The following DCLRE1C variants were observed in gnomAD, a reference collection of about 807,000 sequenced individuals.
DCLRE1C encodes the protein protein artemis.
DCLRE1C carries 47 observed loss-of-function variants against 61.4 expected under a neutral mutation model. That is an observed-to-expected ratio of 0.77 (90% CI 0.61 to 0.98). The LOEUF (loss-of-function observed/expected upper bound fraction) is 0.98, where lower values mean the gene tolerates loss of function less well. Ranked by LOEUF, DCLRE1C falls within the 50% of genes least tolerant of loss-of-function variation. The probability of loss-of-function intolerance (pLI) is 0.00; values close to 1 mark genes in which losing one functional copy is unlikely to be tolerated. For missense variants in DCLRE1C, 858 were observed against 816.0 expected, an observed-to-expected ratio of 1.05 and a Z score of -0.63; for synonymous variants, 337 against 287.6, an observed-to-expected ratio of 1.17 and a Z score of -1.74.
chr10:14,923,884 AG>A (rs1276558341), intron 11 of DCLRE1C, among the ~76,000 whole-genome samples: 1 of 152,220 alleles, frequency 6.6e-6, no homozygotes. Flanking sequence ...TCACTTACTG[AG>A]AAAAGACCAA....
intron 9 of DCLRE1C, 82 bp downstream of exon 9, chr10:14,932,772 G>C (rs984740292): frequency 3.3e-6 from 5 of 1,500,234 alleles, no homozygotes; most frequent in South Asian, 2.3e-5. Context: ...GTAAAGCGAA[G>C]AGCCTATAAA....
At chr10:14,902,191 AATTC>A (rs1367931120), downstream of DCLRE1C, among the ~76,000 whole-genome samples, 5 of 152,236 alleles carry the variant, frequency 3.3e-5, no homozygotes, top group African/African-American at 7.2e-5. Flanking sequence ...CTTTCAAGAC[AATTC>A]ATTATGATTT....
At chr10:14,946,916 C>T (rs1436373125) in intron 2 of DCLRE1C, among the ~76,000 whole-genome samples, 3 of 152,092 alleles carry the variant, frequency 2.0e-5, no homozygotes, top group African/African-American at 7.2e-5. Flanking sequence ...CTACGCCTGG[C>T]CTAAAGAGAC....
chr10:14,948,016 C>G (rs1841941616), intron 2 of DCLRE1C, among the ~76,000 whole-genome samples: 1 of 152,190 alleles, frequency 6.6e-6, no homozygotes, highest in South Asian at 2.1e-4. Flanking sequence ...TGCCACTGCA[C>G]TCCAGCCTGG....
intron 1 of DCLRE1C, among the ~76,000 whole-genome samples, chr10:14,953,211 G>T (rs944104098): frequency 2.0e-5 from 3 of 152,194 alleles, no homozygotes; most frequent in East Asian, 3.8e-4. Context: ...AAGTGAAAAT[G>T]AACAATGGTT....
chr10:14,941,124 C>T (rs1340161498), intron 3 of DCLRE1C, among the ~76,000 whole-genome samples: 3 of 152,150 alleles, frequency 2.0e-5, no homozygotes, highest in Non-Finnish European at 4.4e-5. Context: ...GTGATCCCTC[C>T]ACCTCAGCCT....
chr10:14,954,326 T>C, upstream of DCLRE1C: 1 of 462,516 alleles, frequency 2.2e-6, no homozygotes, highest in South Asian at 2.2e-5. Context: ...CCCATGTCTG[T>C]GGAGGTGCAG....
At chr10:14,938,403 A>C (rs1418565809) in intron 4 of DCLRE1C, among the ~76,000 whole-genome samples, 3 of 152,130 alleles carry the variant, frequency 2.0e-5, no homozygotes, top group Non-Finnish European at 4.4e-5. Flanking sequence ...CCTCAGGATA[A>C]TTTGATGGGA....
chr10:14,908,552 G>A lies in DCLRE1C; in HGVS notation c.1935C>T (p.Ser645=). ...GAACTTCAAAATCAGAAGAGCTCTG[G>A]GAATCTGCATTTGTGCTAAGATTTA... The part of the protein sequence containing the change: ...SLLNLSTNAD[S]QSSSDFEVPS... The change falls in exon 14 of 14, where the codon TCC becomes TCT. Residue 645 remains serine (S), a synonymous_variant. Coordinates refer to ENST00000378278, the MANE Select transcript of DCLRE1C (RefSeq NM_001033855.3). 6.2e-7 allele frequency: 1 copy of A among 1,614,084 alleles called. No individual in the cohort carries two copies. Among genetic ancestry groups the A allele is most frequent in the Non-Finnish European group, 8.5e-7 (1 of 1,180,014 alleles).
At chr10:14,912,641 A>AAGAT (rs1368696335) in intron 13 of DCLRE1C, among the ~76,000 whole-genome samples, 3 of 152,232 alleles carry the variant, frequency 2.0e-5, no homozygotes, top group Non-Finnish European at 4.4e-5. Flanking sequence ...GTACCTTGAA[A>AAGAT]AGATAATGCG....
At chr10:14,947,313 G>A (rs1294696779) in intron 2 of DCLRE1C, among the ~76,000 whole-genome samples, 2 of 152,028 alleles carry the variant, frequency 1.3e-5, no homozygotes, top group Non-Finnish European at 2.9e-5. Flanking sequence ...CATGGATAAG[G>A]GAGTCTTCAG....
chr10:14,910,385 A>C (rs1208799781), intron 13 of DCLRE1C, among the ~76,000 whole-genome samples: 2 of 152,188 alleles, frequency 1.3e-5, no homozygotes, highest in Admixed American at 1.3e-4. Flanking sequence ...CCTCACTACT[A>C]TGCCAAAGTT....
chr10:14,923,223 G>GA (rs1425979488), intron 11 of DCLRE1C, 154 bp from the exon 12 acceptor site: 9 of 648,514 alleles, frequency 1.4e-5, no homozygotes, highest in African/African-American at 7.3e-5. Flanking sequence ...GACCTCTTGG[G>GA]AAAAAAATAT....
rs60410513 is a variant in DCLRE1C, at chr10:14,907,857, C to CTTTTTTTTTTTTTTTT, written c.*535_*550dup. 3 of 71,950 alleles carry CTTTTTTTTTTTTTTTT rather than the reference C, an allele frequency of 4.2e-5. No homozygotes were observed. Among genetic ancestry groups the CTTTTTTTTTTTTTTTT allele is most frequent in the African/African-American group, 1.1e-4 (2 of 18,242 alleles). 4.5% of individuals were successfully genotyped at this position (71,950 alleles called of 1,614,324 possible). The stretch of plus-strand genomic sequence containing the variant: ...GGGTTTAGTTCTACCATTTTTTTTT[C>CTTTTTTTTTTTTTTTT]TTTTTTTTTTTTTTTTTTTTTGAGA... On this transcript the variant is annotated 3_prime_UTR_variant, in exon 14 of 14. Coordinates refer to ENST00000378278, the MANE Select transcript of DCLRE1C (RefSeq NM_001033855.3).
chr10:14,923,031 T>C lies in DCLRE1C; in HGVS notation c.1011A>G (p.Ala337=). 6.2e-7 allele frequency: 1 copy of C among 1,614,188 alleles called. No homozygotes were observed. The highest frequency in any genetic ancestry group is 8.5e-7 in the Non-Finnish European group (1 of 1,180,000). ...DFLSYLCPVN[A]YPNVIPVGTT... is the part of the protein sequence containing the mutation. ...TGCCAACTGGAATGACATTTGGATA[T>C]GCGTTCACAGGACAGAGGTAGCTCA... Residue 337 remains alanine (A), a synonymous_variant, in exon 12 of 14, where the codon GCA becomes GCG. Transcript: ENST00000378278.
At chr10:14,918,629 T>A (rs577360334) in intron 13 of DCLRE1C, among the ~76,000 whole-genome samples, 5,544 of 138,600 alleles carry the variant, frequency 0.04, 191 homozygotes, top group African/African-American at 0.091. Flanking sequence ...AGCTGTTTTT[T>A]AAAAAAAAAA....
At chr10:14,946,809 G>C (rs961004908) in intron 2 of DCLRE1C, among the ~76,000 whole-genome samples, 1 of 152,006 alleles carries the variant, frequency 6.6e-6, no homozygotes, top group African/African-American at 2.4e-5. Flanking sequence ...GCAGAGATGA[G>C]GTCTCCCTAC....
rs188031855 is a variant in DCLRE1C at position 14,912,111 on chromosome 10, G to C, written c.1157-2781C>G. On this transcript the variant is annotated intron_variant, in intron 13 of 13. Transcript: ENST00000378278. ...TGGAAGCCCTAAAGCCAGTGTGGCTGTTATCTAGAGATGGACCTCTAGGGA... is the reference window on the plus strand; with the variant it reads ...TGGAAGCCCTAAAGCCAGTGTGGCTCTTATCTAGAGATGGACCTCTAGGGA... Among the ~76,000 whole-genome samples the C allele has an allele frequency of 2.6e-5, 4 of 152,232 alleles. No homozygotes were observed. The East Asian group carries it at 7.7e-4, about 29-fold the overall frequency.
Position 14,953,945 on chromosome 10 carries a change from C to G in DCLRE1C, c.66G>C (p.Glu22Asp), listed in dbSNP as rs1468832750. 1 of 1,613,982 alleles carries G rather than the reference C, an allele frequency of 6.2e-7. No homozygotes were observed. Among genetic ancestry groups the G allele is most frequent in the Non-Finnish European group, 8.5e-7 (1 of 1,179,954 alleles). ...GGAAGTAGGCGCGGGCCCTCAGGTT[C>G]TCCCTATCGAAGCGGTCTATGGAGA... ...PTISIDRFDR[E>D]NLRARAYFLS... The change falls in exon 1 of 14, where the codon GAG (glutamate) becomes GAC (aspartate). Residue 22 changes from glutamate to aspartate, a missense_variant. By Grantham distance (45) the Glu-to-Asp change is conservative. Transcript: ENST00000378278.
Sources: allele counts gnomAD v4.1 joint callset (sites outside exome capture counted in the v4.1 genomes callset), GRCh38; gene constraint gnomAD v4.1.1; transcripts MANE v1.5; gene names NCBI Gene and HGNC (gene_info 2026-07-23, HGNC 2026-07-21).